The following ZSWIM6 variants were observed in gnomAD, a reference collection of about 807,000 sequenced individuals.
The protein encoded by ZSWIM6 is zinc finger SWIM domain-containing protein 6.
ZSWIM6 carries 9 observed loss-of-function variants against 113.2 expected under a neutral mutation model. The ratio of observed to expected loss-of-function variants is 0.08; its 90% CI spans 0.05 to 0.14. The LOEUF is 0.14. Ranked by LOEUF, ZSWIM6 falls within the 10% of genes least tolerant of loss-of-function variation. The probability of loss-of-function intolerance (pLI) is 1.00; values close to 1 mark genes in which losing one functional copy is unlikely to be tolerated. For synonymous variants in ZSWIM6, 611 were observed against 606.5 expected, an observed-to-expected ratio of 1.01 and a Z score of -0.11; for missense variants, 1,162 against 1,552.2, an observed-to-expected ratio of 0.75 and a Z score of 4.22.
At chr5:61,423,180 G>T (rs1339027577) in intron 1 of ZSWIM6, among the ~76,000 whole-genome samples, 3 of 152,156 alleles carry the variant, frequency 2.0e-5, no homozygotes, top group Non-Finnish European at 4.4e-5. Context: ...GCCAAGGCAG[G>T]TGGATCACCT....
intron 1 of ZSWIM6, among the ~76,000 whole-genome samples, chr5:61,343,481 A>G (rs939995511): frequency 1.3e-5 from 2 of 152,254 alleles, no homozygotes; most frequent in African/African-American, 2.4e-5. Flanking sequence ...TACAATCAGT[A>G]CAGATTAGAA....
At chr5:61,384,383 T>C (rs562167169) in intron 1 of ZSWIM6, among the ~76,000 whole-genome samples, 1 of 152,362 alleles carries the variant, frequency 6.6e-6, no homozygotes, top group South Asian at 2.1e-4. Context: ...AGAATTCTTC[T>C]GAACTGAATA....
intron 7 of ZSWIM6, 98 bp downstream of exon 7, chr5:61,526,494 C>T (rs758684100): frequency 5.2e-6 from 7 of 1,339,606 alleles, no homozygotes; most frequent in Non-Finnish European, 7.1e-6. Flanking sequence ...GAACTAAAAC[C>T]ATAGATGATG....
chr5:61,333,954 G>C (rs1295299310), intron 1 of ZSWIM6, among the ~76,000 whole-genome samples: 1 of 152,142 alleles, frequency 6.6e-6, no homozygotes, highest in Non-Finnish European at 1.5e-5. Flanking sequence ...GGCCGCTCCC[G>C]CGTCCCCGCG....
At chr5:61,428,628 C>G (rs984950575) in intron 1 of ZSWIM6, among the ~76,000 whole-genome samples, 3 of 151,948 alleles carry the variant, frequency 2.0e-5, no homozygotes, top group Admixed American at 1.3e-4. Flanking sequence ...ACCTTGACCC[C>G]CTAAAGTGTT....
intron 7 of ZSWIM6, among the ~76,000 whole-genome samples, chr5:61,527,519 G>A (rs1194629314): frequency 6.6e-6 from 1 of 152,190 alleles, no homozygotes; most frequent in Non-Finnish European, 1.5e-5. Flanking sequence ...GCTCAGATGG[G>A]ATTGGAATGT....
chr5:61,539,058 C>T, intron 11 of ZSWIM6, 87 bp downstream of exon 11: 1 of 1,378,592 alleles, frequency 7.3e-7, no homozygotes, highest in Admixed American at 2.9e-5. Context: ...AAATTCTCAG[C>T]AGTGGTGTTA....
intron 7 of ZSWIM6, among the ~76,000 whole-genome samples, chr5:61,526,713 G>A (rs1201489535): frequency 6.6e-6 from 1 of 151,894 alleles, no homozygotes; most frequent in Non-Finnish European, 1.5e-5. Flanking sequence ...GCCTTATTTT[G>A]TGGAAGTGCA....
chr5:61,542,397 G>A (rs1749765304), intron 13 of ZSWIM6, among the ~76,000 whole-genome samples: 2 of 152,192 alleles, frequency 1.3e-5, no homozygotes, highest in Admixed American at 1.3e-4. Context: ...TTTCCTGGCT[G>A]CCCATAAGCT....
At chr5:61,493,285 T>C (rs1748228260) in intron 3 of ZSWIM6, among the ~76,000 whole-genome samples, 1 of 152,158 alleles carries the variant, frequency 6.6e-6, no homozygotes, top group African/African-American at 2.4e-5. Context: ...AGAAGTATGC[T>C]GCTGCTCTTT....
chr5:61,470,526 G>T (rs999097759), intron 1 of ZSWIM6, among the ~76,000 whole-genome samples: 1 of 152,074 alleles, frequency 6.6e-6, no homozygotes, highest in African/African-American at 2.4e-5. Flanking sequence ...ATTTGCTGGG[G>T]TGTTTACTTT....
chr5:61,516,074 C>G (rs1748929092), intron 4 of ZSWIM6, among the ~76,000 whole-genome samples: 1 of 151,576 alleles, frequency 6.6e-6, no homozygotes, highest in South Asian at 2.1e-4. Context: ...TTCTTATACA[C>G]AGTATAAGAA....
chr5:61,531,582 A>G lies in ZSWIM6; in HGVS notation c.2102A>G (p.Gln701Arg). Residue 701 changes from glutamine to arginine, a missense_variant, in exon 9 of 14, where the codon CAG (glutamine) becomes CGG (arginine). Physicochemically the swap from Gln to Arg is conservative, Grantham distance 43. Coordinates refer to ENST00000252744, the MANE Select transcript of ZSWIM6 (RefSeq NM_020928.2). ...AVEVALIGLGQQRIMPDGLYT... is the reference protein window; with the variant it reads ...AVEVALIGLGRQRIMPDGLYT... Reference sequence around the variant, plus strand: ...GAAGTAGCCCTGATAGGGCTAGGACAGCAGCGTATCATGCCTGATGGGCTG... The same window carrying G: ...GAAGTAGCCCTGATAGGGCTAGGACGGCAGCGTATCATGCCTGATGGGCTG... 2.6e-6 allele frequency: 4 copies of G among 1,551,742 alleles called. No homozygotes were observed. Among genetic ancestry groups the G allele is most frequent in the Non-Finnish European group, 3.5e-6 (4 of 1,146,986 alleles).
At position 61,427,111 on chromosome 5, in the gene ZSWIM6, A is replaced by C. The variant is rs113478900; in HGVS notation, c.677-45570A>C. Among the ~76,000 whole-genome samples the C allele has an allele frequency of 7.7e-4, 118 of 152,274 alleles. 2 individuals are homozygous for C. Among genetic ancestry groups the C allele is most frequent in the African/African-American group, 1.7e-3 (71 of 41,546 alleles). On this transcript the variant is annotated intron_variant, in intron 1 of 13. Transcript: ENST00000252744. Reference sequence around the variant, plus strand: ...ACTTGGCATCTATTGATGGTTCATGACTGAATTATCTTTACTACAATGGCT... The same window carrying C: ...ACTTGGCATCTATTGATGGTTCATGCCTGAATTATCTTTACTACAATGGCT...
intron 4 of ZSWIM6, among the ~76,000 whole-genome samples, chr5:61,509,392 T>C (rs1748715638): frequency 6.6e-6 from 1 of 152,114 alleles, no homozygotes; most frequent in Admixed American, 6.6e-5. Context: ...ACTAGAAGTG[T>C]TTTGGCAAAG....
At chr5:61,346,185 G>A in intron 1 of ZSWIM6, among the ~76,000 whole-genome samples, 1 of 152,024 alleles carries the variant, frequency 6.6e-6, no homozygotes, top group East Asian at 1.9e-4. Context: ...CCTGACCTCA[G>A]GTGATCCACC....
At chr5:61,342,406 T>TC (rs1177276632) in intron 1 of ZSWIM6, among the ~76,000 whole-genome samples, 1 of 152,232 alleles carries the variant, frequency 6.6e-6, no homozygotes, top group Non-Finnish European at 1.5e-5. Context: ...CTTTTGTGTT[T>TC]CTTAACAGCC....
intron 1 of ZSWIM6, among the ~76,000 whole-genome samples, chr5:61,410,957 C>T (rs1043644805): frequency 5.3e-5 from 8 of 152,158 alleles, no homozygotes; most frequent in Non-Finnish European, 1.0e-4. Flanking sequence ...AGGCAAAAAA[C>T]GCTTTTATGA....
chr5:61,405,020 C>A (rs1746017515), intron 1 of ZSWIM6, among the ~76,000 whole-genome samples: 1 of 152,248 alleles, frequency 6.6e-6, no homozygotes, highest in Non-Finnish European at 1.5e-5. Flanking sequence ...GTTGGGCTTA[C>A]AATATGACAA....
Sources: allele counts gnomAD v4.1 joint callset (sites outside exome capture counted in the v4.1 genomes callset), GRCh38; gene constraint gnomAD v4.1.1; transcripts MANE v1.5; gene names NCBI Gene and HGNC (gene_info 2026-07-23, HGNC 2026-07-21).